USH2A: variants seen among roughly 807,000 people sequenced by gnomAD.
USH2A encodes the protein Usher syndrome 2A (autosomal recessive, mild).
In USH2A, 443 loss-of-function variants were observed where a neutral mutation model predicts 538.9. The ratio of observed to expected loss-of-function variants is 0.82; its 90% CI spans 0.76 to 0.89. The LOEUF (loss-of-function observed/expected upper bound fraction) is 0.89. USH2A is among the 40% of genes least tolerant of loss of function. The pLI is 0.00. For missense variants in USH2A, 6,633 were observed against 6,324.8 expected, an observed-to-expected ratio of 1.05 and a Z score of -1.65; for synonymous variants, 2,413 against 2,273.5, an observed-to-expected ratio of 1.06 and a Z score of -1.75.
At chr1:215,886,509 C>T (rs1665060972) in intron 41 of USH2A, 2 of 152,068 alleles carry the variant, frequency 1.3e-5, no homozygotes, top group Non-Finnish European at 2.9e-5. Flanking sequence ...CTTTTTATTT[C>T]CTAGTTATAA....
chr1:216,164,492 A>G (rs1351864116), intron 21 of USH2A, among the ~76,000 whole-genome samples: 1 of 152,150 alleles, frequency 6.6e-6, no homozygotes, highest in East Asian at 1.9e-4. Context: ...AAAATGACAC[A>G]TAGAGAGTCT....
chr1:215,800,235 T>G (rs188144724), intron 49 of USH2A, among the ~76,000 whole-genome samples: 1 of 152,268 alleles, frequency 6.6e-6, no homozygotes, highest in Admixed American at 6.5e-5. Context: ...GACCCCACTG[T>G]GGTTGTCTTC....
Position 216,199,801 on chromosome 1 carries a change from A to G in USH2A, c.3637T>C (p.Phe1213Leu). 1.2e-6 allele frequency: 2 copies of G among 1,614,142 alleles called. No individual in the cohort carries two copies. Among genetic ancestry groups the G allele is most frequent in the Non-Finnish European group, 1.7e-6 (2 of 1,180,016 alleles). Residue 1213 changes from phenylalanine to leucine, a missense_variant, in exon 17 of 72, where the codon TTT becomes CTT. Physicochemically the swap from Phe to Leu is conservative, Grantham distance 22. Transcript: ENST00000307340. ...TSATIWNLVP[F>L]AKYDFSVQAC... ...TGTACAGAAAAATCGTACTTGGCAA[A>G]TGGAACCAGATTCCAGATGGTAGCT...
In USH2A at chr1:215,779,953, C is replaced by T. The variant is rs2102760660; in HGVS notation, c.10829G>A (p.Trp3610Ter). The T allele has an allele frequency of 6.2e-7, 1 of 1,614,130 alleles. No homozygotes were observed. Among genetic ancestry groups the T allele is most frequent in the Non-Finnish European group, 8.5e-7 (1 of 1,180,030 alleles). ...GCCGTTTGATTTCTCAGGGACACTC[C>T]AGCTCAGATGCAGAGCCACTGCACT... ...ALSAVALHLS[W>*]SVPEKSNGVI... The change falls in exon 55 of 72, where the codon TGG becomes TAG. Residue 3610 changes from tryptophan to a stop codon, truncating the protein, a stop_gained. Coordinates refer to ENST00000307340, the MANE Select transcript of USH2A (RefSeq NM_206933.4). LOFTEE classifies it high-confidence loss of function.
intron 21 of USH2A, among the ~76,000 whole-genome samples, chr1:216,143,668 C>T (rs2033642314): frequency 6.6e-6 from 1 of 152,144 alleles, no homozygotes; most frequent in Non-Finnish European, 1.5e-5. Context: ...TAGCATAGCT[C>T]TTCATTTAAC....
At chr1:215,999,408 T>C (rs1668214863) in intron 33 of USH2A, among the ~76,000 whole-genome samples, 1 of 152,088 alleles carries the variant, frequency 6.6e-6, no homozygotes, top group South Asian at 2.1e-4. Flanking sequence ...ATAATATAAT[T>C]GTCCTGGAAA....
At chr1:215,963,837 C>T (rs1444737382) in intron 37 of USH2A, among the ~76,000 whole-genome samples, 1 of 151,974 alleles carries the variant, frequency 6.6e-6, no homozygotes, top group East Asian at 1.9e-4. Flanking sequence ...CATTACGGAT[C>T]GACATTTACC....
intron 38 of USH2A, among the ~76,000 whole-genome samples, chr1:215,904,464 G>T (rs74141457): frequency 0.013 from 2,038 of 152,120 alleles, 51 homozygotes; most frequent in African/African-American, 0.047. Flanking sequence ...TATGCTTCCA[G>T]TAACACTGAA....
chr1:215,928,589 T>C (rs190046410), intron 38 of USH2A, among the ~76,000 whole-genome samples: 2 of 152,106 alleles, frequency 1.3e-5, no homozygotes, highest in Non-Finnish European at 2.9e-5. Flanking sequence ...GCTTTTTGAC[T>C]TGGGCAAGAA....
intron 21 of USH2A, chr1:216,174,706 A>C (rs2034340839): frequency 1.0e-6 from 1 of 987,448 alleles, no homozygotes; most frequent in East Asian, 1.1e-4. Context: ...TTTTCCCCAC[A>C]ATGTTCTTCA....
rs766225635 is a variant in USH2A, at chr1:215,655,725, C to CTTTTTTTTTTT, written c.14134-4935_14134-4925dup. 8.3e-4 allele frequency among the ~76,000 whole-genome samples: 80 copies of CTTTTTTTTTTT among 96,188 alleles called. 1 individual carries two copies. Among genetic ancestry groups the CTTTTTTTTTTT allele is most frequent in the South Asian group, 6.8e-3 (15 of 2,208 alleles). The allele number at this position is 96,188 out of a possible 152,430, so 63.1% of individuals were successfully genotyped here. A position where few individuals can be genotyped will look rare whatever the true frequency, so the allele number is the denominator to read the frequency against. ...TGCTTCTGTTACTGTGCTAGTTATT[C>CTTTTTTTTTTT]TTTTTTTTTTTTTTTTTTTTTTTTC... is the stretch of plus-strand genomic sequence containing the variant. On this transcript the variant is annotated intron_variant, in intron 64 of 71. Transcript: ENST00000307340.
chr1:215,846,095 T>A, intron 44 of USH2A, 62 bp from the exon 45 acceptor site: 2 of 1,456,726 alleles, frequency 1.4e-6, no homozygotes, highest in Non-Finnish European at 1.9e-6. Context: ...AAAAAAAAAA[T>A]TCTATCATTA....
At chr1:216,374,004 C>CA (rs1233661145) in intron 3 of USH2A, among the ~76,000 whole-genome samples, 1 of 149,138 alleles carries the variant, frequency 6.7e-6, no homozygotes, top group Non-Finnish European at 1.5e-5. Flanking sequence ...ATCGCAAGGA[C>CA]AAAAAACCAA....
intron 3 of USH2A, among the ~76,000 whole-genome samples, chr1:216,395,383 C>CT (rs1385928844): frequency 2.6e-5 from 4 of 152,070 alleles, no homozygotes; most frequent in Non-Finnish European, 5.9e-5. Flanking sequence ...TAATGCTTTA[C>CT]TTTTTTTAAA....
intron 21 of USH2A, among the ~76,000 whole-genome samples, chr1:216,142,125 A>G (rs1300533367): frequency 6.6e-6 from 1 of 152,204 alleles, no homozygotes; most frequent in Non-Finnish European, 1.5e-5. Flanking sequence ...TTCACTCCTT[A>G]TTGTAAAACT....
intron 49 of USH2A, among the ~76,000 whole-genome samples, chr1:215,804,540 T>C (rs199712629): frequency 0.011 from 1,453 of 131,454 alleles, 7 homozygotes; most frequent in African/African-American, 0.021. Context: ...AAAATGCTCA[T>C]CATCACTGGG....
chr1:216,120,314 C>G (rs1017913862), intron 21 of USH2A, among the ~76,000 whole-genome samples: 4 of 143,670 alleles, frequency 2.8e-5, no homozygotes, highest in African/African-American at 7.5e-5. Context: ...GTGGATGGAT[C>G]ATCTGAGGTC....
At chr1:216,072,140 C>T (rs535467229) in intron 29 of USH2A, among the ~76,000 whole-genome samples, 19 of 152,298 alleles carry the variant, frequency 1.2e-4, no homozygotes, top group African/African-American at 4.3e-4. Context: ...ACATAAGTGG[C>T]AATCATCTGG....
intron 61 of USH2A, among the ~76,000 whole-genome samples, chr1:215,709,330 T>C (rs1234279405): frequency 6.6e-6 from 1 of 152,228 alleles, no homozygotes; most frequent in Non-Finnish European, 1.5e-5. Context: ...AGTACATATT[T>C]TATAATTTAC....
Sources: gnomAD v4.1 joint callset for allele counts (sites outside exome capture counted in the v4.1 genomes callset) on GRCh38, gnomAD v4.1.1 for gene constraint, MANE v1.5 for transcripts, NCBI Gene and HGNC (gene_info 2026-07-23, HGNC 2026-07-21) for gene names.